Variants in HSF2BP observed in about 807,000 individuals in gnomAD.
The protein encoded by HSF2BP is heat shock factor 2-binding protein.
In HSF2BP, 35 loss-of-function variants were observed where a neutral mutation model predicts 35.0. That is an observed-to-expected ratio of 1.00 (90% CI 0.76 to 1.32). The LOEUF is 1.32. HSF2BP is among the 40% of genes most tolerant of loss of function. The pLI is 0.00. For synonymous variants in HSF2BP, 114 were observed against 117.4 expected (o/e 0.97, Z 0.18); for missense variants, 326 against 321.7 (o/e 1.01, Z -0.10).
chr21:43,583,338 C>CTGA (rs2081788635), intron 8 of HSF2BP, among the ~76,000 whole-genome samples: 1 of 22,540 alleles, frequency 4.4e-5, no homozygotes, highest in Non-Finnish European at 8.1e-5. Flanking sequence ...GGGCCTGCTG[C>CTGA]GGGAGATGAG....
At chr21:43,643,686 T>A (rs533926622) in intron 4 of HSF2BP, among the ~76,000 whole-genome samples, 7 of 152,284 alleles carry the variant, frequency 4.6e-5, no homozygotes, top group African/African-American at 1.4e-4. Context: ...TCGCCGGGCG[T>A]GATGGCTCAC....
chr21:43,658,183 C>G lies in HSF2BP; in HGVS notation c.-87G>C, dbSNP rs1424224773. 5.0e-6 allele frequency: 7 copies of G among 1,398,506 alleles called. No homozygotes were observed. The highest frequency in any genetic ancestry group is 6.6e-6 in the Non-Finnish European group (7 of 1,063,062). 86.6% of individuals were successfully genotyped at this position (1,398,506 alleles called of 1,614,324 possible). On this transcript the variant is annotated 5_prime_UTR_variant, in exon 2 of 9. Coordinates refer to ENST00000291560, the MANE Select transcript of HSF2BP (RefSeq NM_007031.2). ...AGAAAGCGCGGGAACGAATCCACGC[C>G]GGGGGTCGGGAACGGAGAGCCGCCA...
rs201500667 is a variant in HSF2BP at position 43,605,405 on chromosome 21, CCCA to C, written c.692+8422_692+8424del. ...CACACCACACACACACCACACATTC[CCCA>C]CACCACACACACACTCCAACACACA... is the stretch of plus-strand genomic sequence containing the variant. On this transcript the variant is annotated intron_variant, in intron 7 of 8. Coordinates refer to ENST00000291560, the MANE Select transcript of HSF2BP (RefSeq NM_007031.2). 5.8e-3 allele frequency among the ~76,000 whole-genome samples: 861 copies of C among 147,956 alleles called. 2 individuals are homozygous for C. The highest frequency in any genetic ancestry group is 0.033 in the Middle Eastern group (9 of 270).
chr21:43,632,276 CCACA>C lies in HSF2BP; in HGVS notation c.441+992_441+995del, dbSNP rs151264343. Among the ~76,000 whole-genome samples the C allele has an allele frequency of 4.6e-4, 38 of 82,530 alleles. 2 individuals are homozygous for C. The highest frequency in any genetic ancestry group is 1.6e-3 in the African/African-American group (34 of 20,646). 54.1% of individuals were successfully genotyped at this position (82,530 alleles called of 152,430 possible). On this transcript the variant is annotated intron_variant, in intron 5 of 8. Transcript: ENST00000291560. ...ACACTCCCCCACACACACGCTCCCCCCACACACACACACAGGCTCCCACATACAC... is the reference window on the plus strand; with the variant it reads ...ACACTCCCCCACACACACGCTCCCCCCACACACACAGGCTCCCACATACAC...
intron 3 of HSF2BP, among the ~76,000 whole-genome samples, chr21:43,656,110 C>T (rs113058242): frequency 2.0e-4 from 30 of 152,312 alleles, no homozygotes; most frequent in African/African-American, 7.2e-4. Flanking sequence ...AACAGCTCAG[C>T]TCAAATCTCA....
the HSF2BP span, among the ~76,000 whole-genome samples, chr21:43,468,076 A>C: frequency 7.7e-6 from 1 of 129,444 alleles, no homozygotes; most frequent in South Asian, 2.6e-4. Context: ...ACCACAAACC[A>C]CACACAACAC....
chr21:43,642,944 G>T (rs554441069), intron 4 of HSF2BP, among the ~76,000 whole-genome samples: 1 of 151,752 alleles, frequency 6.6e-6, no homozygotes, highest in South Asian at 2.1e-4. Flanking sequence ...ACTCCTGACC[G>T]CAAGCGAACC....
chr21:43,506,068 G>GA, the HSF2BP span, among the ~76,000 whole-genome samples: 1 of 131,488 alleles, frequency 7.6e-6, no homozygotes, highest in Non-Finnish European at 1.7e-5. Flanking sequence ...CCTGCTCTGG[G>GA]GAAAGGCAGC....
rs1353325756 is a variant in HSF2BP, at chr21:43,592,217, C to A, written c.796+8G>T. 1.9e-6 allele frequency: 3 copies of A among 1,588,544 alleles called. No homozygotes were observed. The highest frequency in any genetic ancestry group is 2.2e-5 in the East Asian group (1 of 44,742). On this transcript the variant is annotated splice_region_variant and intron_variant, in intron 8 of 8. Coordinates refer to ENST00000291560, the MANE Select transcript of HSF2BP (RefSeq NM_007031.2). ...ACAAGCAGCTGGACAGATAACCACC[C>A]CCCTTACCACTCAAAAGCCACCACA...
intron 8 of HSF2BP, among the ~76,000 whole-genome samples, chr21:43,577,959 C>CA (rs1276984112): frequency 6.6e-6 from 1 of 152,194 alleles, no homozygotes; most frequent in African/African-American, 2.4e-5. Flanking sequence ...TCCCTGCCCA[C>CA]AAAAAATTGC....
At chr21:43,645,340 A>G (rs981543679) in intron 3 of HSF2BP, among the ~76,000 whole-genome samples, 2 of 152,182 alleles carry the variant, frequency 1.3e-5, no homozygotes, top group South Asian at 4.1e-4. Context: ...GAGAATTTAC[A>G]TTTCTAACAA....
At position 43,592,304 on chromosome 21, in the gene HSF2BP, A is replaced by T. The variant is rs773898198; in HGVS notation, c.717T>A (p.Asn239Lys). Residue 239 changes from asparagine to lysine, a missense_variant, in exon 8 of 9, where the codon AAT becomes AAA. Coordinates refer to ENST00000291560, the MANE Select transcript of HSF2BP (RefSeq NM_007031.2). ...TCAAGCCTTTCAAATTGATGCTTACATTGTATAGGGACATCAGCATTAGCC... is the reference window on the plus strand; with the variant it reads ...TCAAGCCTTTCAAATTGATGCTTACTTTGTATAGGGACATCAGCATTAGCC... ...LKVLMLMSLYNVSINLKGLKY... is the reference protein window; with the variant it reads ...LKVLMLMSLYKVSINLKGLKY... 17 of 1,613,068 alleles carry T rather than the reference A, an allele frequency of 1.1e-5. No individual in the cohort carries two copies. Among genetic ancestry groups the T allele is most frequent in the East Asian group, 2.2e-5 (1 of 44,876 alleles).
chr21:43,583,800 C>A (rs552862643), intron 8 of HSF2BP, among the ~76,000 whole-genome samples: 13 of 131,102 alleles, frequency 9.9e-5, no homozygotes, highest in African/African-American at 3.8e-4. Flanking sequence ...AGATGAGGAC[C>A]TGCTGAGAGA....
At chr21:43,501,397 CTTTTTTTTTTTTT>C in the HSF2BP span, among the ~76,000 whole-genome samples, 8 of 65,232 alleles carry the variant, frequency 1.2e-4, 1 homozygote, top group Non-Finnish European at 2.2e-4. Context: ...CTGTAGCTGT[CTTTTTTTTTTTTT>C]TTTTTTTTTT....
intron 4 of HSF2BP, among the ~76,000 whole-genome samples, chr21:43,635,590 C>T (rs1043301601): frequency 4.0e-5 from 6 of 151,884 alleles, no homozygotes; most frequent in African/African-American, 7.3e-5. Flanking sequence ...CTAAAACAAC[C>T]GAATATTCAT....
intron 2 of HSF2BP, 44 bp downstream of exon 2, chr21:43,658,017 G>A (rs1229283338): frequency 5.2e-6 from 8 of 1,535,006 alleles, no homozygotes; most frequent in Middle Eastern, 2.2e-4. Flanking sequence ...AGCGAATGGC[G>A]ACGGTTCAAA....
chr21:43,592,874 G>T (rs183578606), intron 7 of HSF2BP, among the ~76,000 whole-genome samples: 2 of 152,306 alleles, frequency 1.3e-5, no homozygotes, highest in East Asian at 3.9e-4. Flanking sequence ...TTTATAAGCT[G>T]TTTTGGGATT....
At chr21:43,650,445 T>C (rs1298915879) in intron 3 of HSF2BP, among the ~76,000 whole-genome samples, 2 of 152,078 alleles carry the variant, frequency 1.3e-5, no homozygotes, top group Non-Finnish European at 2.9e-5. Flanking sequence ...GACCTCGTGA[T>C]CCGCCCACTT....
chr21:43,630,559 T>A, intron 5 of HSF2BP, 105 bp from the exon 6 acceptor site: 1 of 1,335,940 alleles, frequency 7.5e-7, no homozygotes. Flanking sequence ...TGTAGAATAT[T>A]GTAAAATCTA....
Sources: gnomAD v4.1 joint callset for allele counts (sites outside exome capture counted in the v4.1 genomes callset) on GRCh38, gnomAD v4.1.1 for gene constraint, MANE v1.5 for transcripts, NCBI Gene and HGNC (gene_info 2026-07-23, HGNC 2026-07-21) for gene names.